Variants in SAMD13 observed in about 807,000 individuals in gnomAD.
SAMD13 encodes the protein sterile alpha motif domain-containing protein 13.
SAMD13 carries 9 observed loss-of-function variants against 12.4 expected under a neutral mutation model. The ratio of observed to expected loss-of-function variants is 0.72; its 90% CI spans 0.44 to 1.26. SAMD13 has a LOEUF of 1.26. Ranked by LOEUF, SAMD13 falls within the 50% of genes most tolerant of loss-of-function variation. SAMD13 has a pLI of 0.00. For synonymous variants in SAMD13, 46 were observed against 45.4 expected, an observed-to-expected ratio of 1.01 and a Z score of -0.05; for missense variants, 84 against 119.6, an observed-to-expected ratio of 0.70 and a Z score of 1.39.
chr1:84,301,896 T>G (rs1365076601), intron 1 of SAMD13, 95 bp downstream of exon 1: 2 of 445,304 alleles, frequency 4.5e-6, no homozygotes, highest in South Asian at 9.4e-5. Flanking sequence ...TTGTGAGTGT[T>G]TTGTTTTGTT....
rs368177654 is a variant in SAMD13 at position 84,337,300 on chromosome 1, A to G, written c.165+11552A>G. 7.9e-5 allele frequency among the ~76,000 whole-genome samples: 12 copies of G among 152,286 alleles called. No individual in the cohort carries two copies. The South Asian group carries it at 1.9e-3, about 24-fold the overall frequency. The stretch of plus-strand genomic sequence containing the variant: ...CACACTGCCCTAGCAGAGATTCTCC[A>G]TGAAAGCCCCACCCTTGCAGCAAAC... On this transcript the variant is annotated intron_variant, in intron 3 of 3. Coordinates refer to ENST00000394834, the MANE Select transcript of SAMD13 (RefSeq NM_001134663.2).
intron 3 of SAMD13, among the ~76,000 whole-genome samples, chr1:84,342,793 T>C (rs182594122): frequency 6.7e-5 from 10 of 150,208 alleles, no homozygotes; most frequent in Admixed American, 2.7e-4. Flanking sequence ...GACATAGGCA[T>C]GGACAAAGAT....
intron 2 of SAMD13, among the ~76,000 whole-genome samples, chr1:84,314,218 G>C (rs565055639): frequency 6.6e-6 from 1 of 151,836 alleles, no homozygotes; most frequent in South Asian, 2.1e-4. Flanking sequence ...AAGTCCAACC[G>C]TGCATACATG....
rs767923942 is a variant in SAMD13 at position 84,325,641 on chromosome 1, A to G, written c.58A>G (p.Met20Val). The G allele has an allele frequency of 6.2e-6, 10 of 1,605,256 alleles. No homozygotes were observed. The highest frequency in any genetic ancestry group is 1.1e-5 in the South Asian group (1 of 90,882). ...GTCTGGATTTGTGTTTTGCAGTTCC[A>G]TGGAAAATGGGAGACCACCTGATCC... ...ENGSVGVKNS[M>V]ENGRPPDPAD... The change falls in exon 3 of 4, where the codon ATG becomes GTG. Residue 20 changes from methionine (M) to valine (V), a missense_variant. Coordinates refer to ENST00000394834, the MANE Select transcript of SAMD13 (RefSeq NM_001134663.2).
At chr1:84,334,194 T>G (rs924063019) in intron 3 of SAMD13, among the ~76,000 whole-genome samples, 4 of 152,114 alleles carry the variant, frequency 2.6e-5, no homozygotes, top group African/African-American at 9.7e-5. Flanking sequence ...GGGCTGCTTC[T>G]GGTTGGTAGG....
chr1:84,331,413 A>T lies in SAMD13; in HGVS notation c.165+5665A>T, dbSNP rs140356460. Among the ~76,000 whole-genome samples the T allele has an allele frequency of 4.6e-4, 70 of 151,052 alleles. 1 individual carries two copies. The East Asian group carries it at 0.013, about 29-fold the overall frequency. On this transcript the variant is annotated intron_variant, in intron 3 of 3. Transcript: ENST00000394834. ...TTAAACATCATTAGCTTTCATGGCA[A>T]ATCTGGCTTTGAATTAGACCAATTA...
chr1:84,319,549 C>T lies in SAMD13; in HGVS notation c.54-6088C>T, dbSNP rs149481312. On this transcript the variant is annotated intron_variant, in intron 2 of 3. Coordinates refer to ENST00000394834, the MANE Select transcript of SAMD13 (RefSeq NM_001134663.2). The stretch of plus-strand genomic sequence containing the variant: ...ACTTGGGAGACTGAGGCAGGAGAAT[C>T]GCTTGAACCCAGGAGGCAGAGGCTG... Among the ~76,000 whole-genome samples, 980 of 150,956 alleles carry T rather than the reference C, an allele frequency of 6.5e-3. 11 individuals carry two copies. The highest frequency in any genetic ancestry group is 0.022 in the African/African-American group (901 of 41,060).
rs1678459068 is a variant in SAMD13 at position 84,301,816 on chromosome 1, T to C, written c.-33+15T>C. 1 of 952,976 alleles carries C rather than the reference T, an allele frequency of 1.0e-6. No homozygotes were observed. Among genetic ancestry groups the C allele is most frequent in the Non-Finnish European group, 1.2e-6 (1 of 800,542 alleles). The allele number at this position is 952,976 out of a possible 1,614,324, so 59.0% of individuals were successfully genotyped here. On this transcript the variant is annotated intron_variant, in intron 1 of 3. Coordinates refer to ENST00000394834, the MANE Select transcript of SAMD13 (RefSeq NM_001134663.2). ...GTTGCTTATAGGTAGGTTTTCTTTT[T>C]ACTCTTCCACAGAAAAGAAAATAAT...
upstream of SAMD13, chr1:84,298,617 C>A: frequency 7.9e-7 from 1 of 1,273,636 alleles, no homozygotes; most frequent in Admixed American, 3.5e-5. Context: ...CCCGCCCTCT[C>A]CTCTCTCCAG....
At chr1:84,334,056 T>C (rs114753623) in intron 3 of SAMD13, among the ~76,000 whole-genome samples, 4,787 of 152,200 alleles carry the variant, frequency 0.031, 101 homozygotes, top group Non-Finnish European at 0.048. Flanking sequence ...ATCAAAATGA[T>C]TTTGGCCTCA....
chr1:84,336,124 A>C (rs1175841150), intron 3 of SAMD13, among the ~76,000 whole-genome samples: 1 of 152,218 alleles, frequency 6.6e-6, no homozygotes, highest in Non-Finnish European at 1.5e-5. Flanking sequence ...TTCACGGACA[A>C]TATCCTCAAA....
At chr1:84,313,461 T>C (rs1678760642) in intron 2 of SAMD13, among the ~76,000 whole-genome samples, 1 of 152,174 alleles carries the variant, frequency 6.6e-6, no homozygotes, top group African/African-American at 2.4e-5. Flanking sequence ...ATTCAAATCA[T>C]GAGAATTCAA....
intron 2 of SAMD13, chr1:84,304,268 A>T (rs542624275): frequency 6.6e-6 from 1 of 152,176 alleles, no homozygotes; most frequent in Non-Finnish European, 1.5e-5. Flanking sequence ...TACCATCCCT[A>T]AAGTTTGGGG....
At chr1:84,298,668 GC>G, upstream of SAMD13, 1 of 1,123,970 alleles carries the variant, frequency 8.9e-7, no homozygotes. Context: ...AAACCGCTCT[GC>G]CCTCCCAAAA....
At chr1:84,323,770 A>T (rs761467444) in intron 2 of SAMD13, among the ~76,000 whole-genome samples, 1 of 145,150 alleles carries the variant, frequency 6.9e-6, no homozygotes, top group Non-Finnish European at 1.6e-5. Context: ...GATGTTTTCA[A>T]CTTCCACTAA....
chr1:84,315,498 C>T (rs998518737), intron 2 of SAMD13, among the ~76,000 whole-genome samples: 4 of 152,180 alleles, frequency 2.6e-5, no homozygotes, highest in Middle Eastern at 3.4e-3. Context: ...CCCTATGTTG[C>T]CTAGGCTGGT....
intron 2 of SAMD13, chr1:84,303,531 C>G (rs1260671568): frequency 2.9e-6 from 1 of 339,204 alleles, no homozygotes; most frequent in Non-Finnish European, 5.7e-6. Flanking sequence ...GGCTTTGGAA[C>G]AAGGATGGTT....
At position 84,350,453 on chromosome 1, in the gene SAMD13, A is replaced by G. The variant is rs1251010644; in HGVS notation, c.*679A>G. The G allele has an allele frequency of 2.6e-5, 4 of 152,506 alleles. No individual in the cohort carries two copies. Among genetic ancestry groups the G allele is most frequent in the Non-Finnish European group, 4.4e-5 (3 of 68,034 alleles). 9.4% of individuals were successfully genotyped at this position (152,506 alleles called of 1,614,324 possible). ...CAAATGGGGTAACGATATTTTCTGC[A>G]TAGATTTTCTTTTAAATTGGTTCTT... On this transcript the variant is annotated 3_prime_UTR_variant, in exon 4 of 4. Transcript: ENST00000394834.
At chr1:84,343,920 G>T (rs900395168) in intron 3 of SAMD13, among the ~76,000 whole-genome samples, 3 of 151,904 alleles carry the variant, frequency 2.0e-5, no homozygotes, top group Non-Finnish European at 4.4e-5. Context: ...ACAATATATG[G>T]GAGGTCTTCA....
Sources: allele counts gnomAD v4.1 joint callset (sites outside exome capture counted in the v4.1 genomes callset), GRCh38; gene constraint gnomAD v4.1.1; transcripts MANE v1.5; gene names NCBI Gene and HGNC (gene_info 2026-07-23, HGNC 2026-07-21).